Variants in MGMT observed in about 807,000 individuals in gnomAD.
The protein encoded by MGMT is methylated-DNA--protein-cysteine methyltransferase.
A neutral mutation model predicts 15.9 loss-of-function variants in MGMT; 14 were observed. That is an observed-to-expected ratio of 0.88 (90% CI 0.58 to 1.37). The LOEUF (loss-of-function observed/expected upper bound fraction) is 1.37. Among genes scored for constraint, MGMT ranks in the 40% most tolerant of loss-of-function variants. The pLI, the probability that MGMT is intolerant of heterozygous loss-of-function variation, is 0.00. For missense variants in MGMT, 282 were observed against 268.1 expected (o/e 1.05, Z -0.36); for synonymous variants, 130 against 118.2 (o/e 1.10, Z -0.65).
intron 2 of MGMT, among the ~76,000 whole-genome samples, chr10:129,579,620 G>A (rs560622286): frequency 1.7e-4 from 26 of 152,330 alleles, no homozygotes; most frequent in East Asian, 5.8e-4. Context: ...CTGAGTGTCC[G>A]TGTTTAAAGG....
intron 2 of MGMT, among the ~76,000 whole-genome samples, chr10:129,632,458 G>C (rs916154210): frequency 2.1e-5 from 3 of 144,462 alleles, no homozygotes; most frequent in Non-Finnish European, 4.6e-5. Context: ...TTTCACGTGA[G>C]ACTTCGCCAG....
chr10:129,715,589 C>A (rs1339510854), intron 3 of MGMT: 1 of 152,204 alleles, frequency 6.6e-6, no homozygotes, highest in South Asian at 2.1e-4. Context: ...CATAAATGCA[C>A]ATTCATGTTT....
At chr10:129,671,865 G>T (rs1319659279) in intron 2 of MGMT, among the ~76,000 whole-genome samples, 2 of 152,206 alleles carry the variant, frequency 1.3e-5, no homozygotes, top group African/African-American at 4.8e-5. Context: ...TGCAACCTCA[G>T]ATTGGCTATG....
At chr10:129,756,221 A>G (rs754056495) in intron 3 of MGMT, among the ~76,000 whole-genome samples, 1 of 152,174 alleles carries the variant, frequency 6.6e-6, no homozygotes, top group Non-Finnish European at 1.5e-5. Context: ...TGTCCTTCAG[A>G]TGCAGAGACT....
At chr10:129,622,326 C>A (rs867173825) in intron 2 of MGMT, among the ~76,000 whole-genome samples, 1 of 152,232 alleles carries the variant, frequency 6.6e-6, no homozygotes, top group African/African-American at 2.4e-5. Context: ...TACGATTCCA[C>A]TTTGAAAGCT....
At chr10:129,686,427 T>G (rs1426512025) in intron 2 of MGMT, among the ~76,000 whole-genome samples, 1 of 152,116 alleles carries the variant, frequency 6.6e-6, no homozygotes, top group Non-Finnish European at 1.5e-5. Context: ...CAGGCTGGAG[T>G]ACAGTGGTGT....
chr10:129,539,006 A>T (rs1198536219), intron 2 of MGMT, among the ~76,000 whole-genome samples: 1 of 152,190 alleles, frequency 6.6e-6, no homozygotes, highest in Non-Finnish European at 1.5e-5. Flanking sequence ...GTGGTTCTGG[A>T]TGTAAGACTT....
chr10:129,616,113 A>C (rs1009380038), intron 2 of MGMT, among the ~76,000 whole-genome samples: 4 of 152,168 alleles, frequency 2.6e-5, no homozygotes, highest in Non-Finnish European at 5.9e-5. Context: ...TGTTCTCTGA[A>C]AGGCAGGGTG....
At chr10:129,655,327 G>T (rs755646353) in intron 2 of MGMT, among the ~76,000 whole-genome samples, 2 of 152,240 alleles carry the variant, frequency 1.3e-5, no homozygotes, top group African/African-American at 2.4e-5. Context: ...GAAGTGGTTT[G>T]CATGGCTGGA....
chr10:129,618,366 T>A (rs1013288783), intron 2 of MGMT, among the ~76,000 whole-genome samples: 1 of 152,074 alleles, frequency 6.6e-6, no homozygotes, highest in Non-Finnish European at 1.5e-5. Flanking sequence ...TATCCATTTT[T>A]CTGCTTGTCC....
intron 2 of MGMT, among the ~76,000 whole-genome samples, chr10:129,652,424 G>A (rs1050714400): frequency 6.6e-6 from 1 of 152,218 alleles, no homozygotes; most frequent in Admixed American, 6.5e-5. Context: ...CAAAGGGAGG[G>A]GCACGTTTCT....
chr10:129,554,134 A>C (rs1209044859), intron 2 of MGMT, among the ~76,000 whole-genome samples: 1 of 152,216 alleles, frequency 6.6e-6, no homozygotes, highest in African/African-American at 2.4e-5. Context: ...GTGGCCGGCC[A>C]GGCCGCCTCT....
chr10:129,741,929 T>G (rs2133172424), intron 3 of MGMT, among the ~76,000 whole-genome samples: 1 of 152,322 alleles, frequency 6.6e-6, no homozygotes, highest in African/African-American at 2.4e-5. Flanking sequence ...AGGCCGTGGC[T>G]CTGAGCCTAG....
chr10:129,486,202 G>C (rs1434230867), intron 1 of MGMT, among the ~76,000 whole-genome samples: 6 of 148,532 alleles, frequency 4.0e-5, no homozygotes, highest in Admixed American at 6.7e-5. Flanking sequence ...TTTTTGGTGG[G>C]GGGTAGACAG....
chr10:129,687,751 G>C (rs1208121976), intron 2 of MGMT, among the ~76,000 whole-genome samples: 2 of 151,604 alleles, frequency 1.3e-5, no homozygotes, highest in Admixed American at 1.3e-4. Context: ...ACAACGTGCA[G>C]GTTTGTTACG....
intron 2 of MGMT, among the ~76,000 whole-genome samples, chr10:129,570,210 A>C (rs1201945913): frequency 6.6e-6 from 1 of 152,256 alleles, no homozygotes; most frequent in Non-Finnish European, 1.5e-5. Context: ...GCAAGAATCA[A>C]AGGCTTTGAG....
chr10:129,490,067 C>G (rs1430870928), intron 1 of MGMT, among the ~76,000 whole-genome samples: 1 of 152,080 alleles, frequency 6.6e-6, no homozygotes, highest in Non-Finnish European at 1.5e-5. Context: ...GTAGAAAGAA[C>G]TTTCCTTCTC....
At chr10:129,740,955 C>A (rs1238438973) in intron 3 of MGMT, among the ~76,000 whole-genome samples, 1 of 152,154 alleles carries the variant, frequency 6.6e-6, no homozygotes, top group Non-Finnish European at 1.5e-5. Flanking sequence ...CAAATGAGTG[C>A]CCCTACCCGT....
intron 2 of MGMT, among the ~76,000 whole-genome samples, chr10:129,593,756 G>A (rs1846717683): frequency 6.6e-6 from 1 of 152,152 alleles, no homozygotes; most frequent in Non-Finnish European, 1.5e-5. Context: ...CTTCCAAAGA[G>A]GTTTTCAAGA....
Sources: allele counts gnomAD v4.1 joint callset (sites outside exome capture counted in the v4.1 genomes callset), GRCh38; gene constraint gnomAD v4.1.1; transcripts MANE v1.5; gene names NCBI Gene and HGNC (gene_info 2026-07-23, HGNC 2026-07-21).